The following VPS4B variants were observed in gnomAD, a reference collection of about 807,000 sequenced individuals.
The protein encoded by VPS4B is vacuolar protein sorting-associated protein 4B.
Under a neutral mutation model 56.1 loss-of-function variants are expected in VPS4B, and 23 were observed. The observed-to-expected ratio is 0.41, with a 90% CI of 0.30 to 0.58. The LOEUF is 0.58. Among genes scored for constraint, VPS4B ranks in the 20% least tolerant of loss-of-function variants. VPS4B has a pLI of 0.29. For synonymous variants in VPS4B, 177 were observed against 186.0 expected, an observed-to-expected ratio of 0.95 and a Z score of 0.39; for missense variants, 372 against 531.9, an observed-to-expected ratio of 0.70 and a Z score of 2.96.
intron 1 of VPS4B, chr18:63,415,193 T>C (rs1025645959): frequency 2.6e-5 from 4 of 152,402 alleles, no homozygotes; most frequent in African/African-American, 9.6e-5. Flanking sequence ...CCATGTCTGT[T>C]AGCATTTTTC....
intron 1 of VPS4B, among the ~76,000 whole-genome samples, chr18:63,417,860 A>G (rs1916204083): frequency 6.6e-6 from 1 of 152,104 alleles, no homozygotes; most frequent in Non-Finnish European, 1.5e-5. Flanking sequence ...AAAGGTTGGG[A>G]ACATGTGGAA....
chr18:63,414,525 C>A (rs1916119510), intron 1 of VPS4B, among the ~76,000 whole-genome samples: 1 of 152,156 alleles, frequency 6.6e-6, no homozygotes, highest in Non-Finnish European at 1.5e-5. Context: ...ATCTCTGCCT[C>A]CCAGGTTCAT....
At chr18:63,421,714 G>A (rs987232411) in intron 1 of VPS4B, among the ~76,000 whole-genome samples, 6 of 152,150 alleles carry the variant, frequency 3.9e-5, no homozygotes, top group South Asian at 2.1e-4. Flanking sequence ...ACTACCATCT[G>A]GGAGCCACAG....
chr18:63,403,737 G>T lies in VPS4B; in HGVS notation c.454C>A (p.Leu152Met), dbSNP rs1367238668. ...AKEALKEAVILPIKFPHLFTG... is the reference protein window; with the variant it reads ...AKEALKEAVIMPIKFPHLFTG... ...AAAAGATGAGGAAATTTAATAGGCA[G>T]TATCACAGCCTCTTTCAGTGCTTCT... Residue 152 changes from leucine (L) to methionine (M), a missense_variant, in exon 5 of 11, where the codon CTG becomes ATG. Physicochemically the swap from Leu to Met is conservative, Grantham distance 15. This residue lies in a region of VPS4B where 153 missense variants were observed against 190.3 expected (regional missense o/e 0.80). Transcript: ENST00000238497. 4 of 1,612,090 alleles carry T rather than the reference G, an allele frequency of 2.5e-6. No homozygotes were observed. The African/African-American group carries it at 4.0e-5, about 16-fold the overall frequency.
intron 4 of VPS4B, 193 bp downstream of exon 4, chr18:63,407,239 G>A (rs1360702753): frequency 7.3e-6 from 4 of 544,228 alleles, no homozygotes; most frequent in Non-Finnish European, 1.3e-5. Flanking sequence ...ACATAAAAAA[G>A]ACCAAACCAT....
chr18:63,390,971 T>C lies in VPS4B; in HGVS notation c.*4A>G, dbSNP rs752145373. 1.3e-6 allele frequency: 2 copies of C among 1,579,960 alleles called. No individual in the cohort carries two copies. The highest frequency in any genetic ancestry group is 1.1e-5 in the South Asian group (1 of 90,228). On this transcript the variant is annotated 3_prime_UTR_variant, in exon 11 of 11. Coordinates refer to ENST00000238497, the MANE Select transcript of VPS4B (RefSeq NM_004869.4). The stretch of plus-strand genomic sequence containing the variant: ...ATATGGTAAGCATCTTCCTTGTCTT[T>C]GGCTTAGCCTTCTTGACCAAAATCT...
intron 10 of VPS4B, 64 bp downstream of exon 10, chr18:63,393,345 T>C: frequency 7.1e-7 from 1 of 1,417,252 alleles, no homozygotes; most frequent in Non-Finnish European, 9.3e-7. Context: ...AAATCTTATA[T>C]AACTGAAAAT....
Position 63,410,340 on chromosome 18 carries a change from T to C in VPS4B, c.246A>G (p.Lys82=). The change falls in exon 3 of 11, where the codon AAA becomes AAG. Residue 82 remains lysine (K), a synonymous_variant. Transcript: ENST00000238497. ...GTCCTTCTTTCACTGGCTTCTGTGCTTTTTTCTCTTTATTTTTCAGGTACT... is the reference window on the plus strand; with the variant it reads ...GTCCTTCTTTCACTGGCTTCTGTGCCTTTTTCTCTTTATTTTTCAGGTACT... ...LKEYLKNKEK[K]AQKPVKEGQP... is the part of the protein sequence containing the mutation. The C allele has an allele frequency of 1.2e-6, 2 of 1,614,056 alleles. No homozygotes were observed. Among genetic ancestry groups the C allele is most frequent in the Non-Finnish European group, 1.7e-6 (2 of 1,180,016 alleles).
intron 10 of VPS4B, among the ~76,000 whole-genome samples, chr18:63,392,373 T>C (rs915272011): frequency 1.1e-4 from 16 of 152,246 alleles, no homozygotes; most frequent in African/African-American, 3.4e-4. Flanking sequence ...TTAAACTTTC[T>C]ATGGAGCTTT....
intron 5 of VPS4B, among the ~76,000 whole-genome samples, chr18:63,401,942 G>C (rs1388506333): frequency 2.0e-5 from 3 of 152,124 alleles, no homozygotes; most frequent in Non-Finnish European, 4.4e-5. Context: ...GCAGTGAAAC[G>C]AGACCACGCC....
Position 63,414,495 on chromosome 18 carries a change from C to T in VPS4B, c.28-2917G>A, listed in dbSNP as rs182425206. On this transcript the variant is annotated intron_variant, in intron 1 of 10. Coordinates refer to ENST00000238497, the MANE Select transcript of VPS4B (RefSeq NM_004869.4). ...TGTCGCCCAGACTGGAGTGCAATGG[C>T]GCCATCTTGGCTCACTGCAATCTCT... Among the ~76,000 whole-genome samples the T allele has an allele frequency of 2.8e-3, 430 of 152,216 alleles. 1 individual carries two copies. Among genetic ancestry groups the T allele is most frequent in the Non-Finnish European group, 4.0e-3 (274 of 68,008 alleles).
At chr18:63,393,815 C>T (rs1195071850) in intron 9 of VPS4B, among the ~76,000 whole-genome samples, 1 of 152,102 alleles carries the variant, frequency 6.6e-6, no homozygotes, top group Non-Finnish European at 1.5e-5. Flanking sequence ...CAGCTCACTG[C>T]AACCTCCACC....
Position 63,410,326 on chromosome 18 carries a change from A to G in VPS4B, c.260T>C (p.Val87Ala). The change falls in exon 3 of 11, where the codon GTG (valine) becomes GCG (alanine). Residue 87 changes from valine (V) to alanine (A), a missense_variant. By Grantham distance (64) the Val-to-Ala change is moderately conservative. This residue lies in a region of VPS4B where 153 missense variants were observed against 190.3 expected (regional missense o/e 0.80). Coordinates refer to ENST00000238497, the MANE Select transcript of VPS4B (RefSeq NM_004869.4). Reference protein sequence around the residue: ...KNKEKKAQKPVKEGQPSPADE... With the variant: ...KNKEKKAQKPAKEGQPSPADE... The stretch of plus-strand genomic sequence containing the variant: ...TGCTGGACTCGGCTGTCCTTCTTTC[A>G]CTGGCTTCTGTGCTTTTTTCTCTTT... 1 of 1,614,026 alleles carries G rather than the reference A, an allele frequency of 6.2e-7. No homozygotes were observed. The highest frequency in any genetic ancestry group is 8.5e-7 in the Non-Finnish European group (1 of 1,180,008).
chr18:63,419,194 G>T (rs910613028), intron 1 of VPS4B, among the ~76,000 whole-genome samples: 2 of 152,180 alleles, frequency 1.3e-5, no homozygotes, highest in Non-Finnish European at 2.9e-5. Context: ...AGGCCAACGG[G>T]GGTGGATCAC....
At chr18:63,399,204 C>T in intron 8 of VPS4B, 38 bp downstream of exon 8, 1 of 1,511,656 alleles carries the variant, frequency 6.6e-7, no homozygotes, top group Non-Finnish European at 9.2e-7. Context: ...CTTGTTACAT[C>T]TGCAGTGAGA....
At position 63,420,318 on chromosome 18, in the gene VPS4B, G is replaced by T. The variant is rs527341806; in HGVS notation, c.27+1915C>A. On this transcript the variant is annotated intron_variant, in intron 1 of 10. Coordinates refer to ENST00000238497, the MANE Select transcript of VPS4B (RefSeq NM_004869.4). The stretch of plus-strand genomic sequence containing the variant: ...AAAAAATTAGCCAGGCGTGGTGGCA[G>T]GCACCTGTAATCCCAGCTACTCGGG... Among the ~76,000 whole-genome samples, 27 of 152,220 alleles carry T rather than the reference G, an allele frequency of 1.8e-4. 1 individual carries two copies. Among genetic ancestry groups the T allele is most frequent in the Middle Eastern group, 3.4e-3 (1 of 294 alleles).
chr18:63,420,996 C>T (rs759492786), intron 1 of VPS4B, among the ~76,000 whole-genome samples: 8 of 149,800 alleles, frequency 5.3e-5, no homozygotes, highest in Non-Finnish European at 1.0e-4. Context: ...TGAAATCACG[C>T]CACTGCACTC....
Position 63,418,336 on chromosome 18 carries a change from G to A in VPS4B, c.27+3897C>T, listed in dbSNP as rs1055911865. ...ATGCTTATCTCACTCCCTCTCCGCA[G>A]CATTTAACACACACAACAAATACCC... On this transcript the variant is annotated intron_variant, in intron 1 of 10. Transcript: ENST00000238497. 2.0e-5 allele frequency among the ~76,000 whole-genome samples: 3 copies of A among 151,978 alleles called. 1 individual carries two copies. Among genetic ancestry groups the A allele is most frequent in the African/African-American group, 7.3e-5 (3 of 41,366 alleles).
chr18:63,417,726 G>T (rs7242807), intron 1 of VPS4B, among the ~76,000 whole-genome samples: 1 of 151,856 alleles, frequency 6.6e-6, no homozygotes, highest in Admixed American at 6.6e-5. Flanking sequence ...TCCAGGAGAA[G>T]AGCAGTTCTG....
Sources: allele counts gnomAD v4.1 joint callset (sites outside exome capture counted in the v4.1 genomes callset), GRCh38; gene constraint gnomAD v4.1.1; regional missense constraint gnomAD v4.1.1; transcripts MANE v1.5; gene names NCBI Gene and HGNC (gene_info 2026-07-23, HGNC 2026-07-21).